PRAG1: variants seen among roughly 807,000 people sequenced by gnomAD.
PRAG1 encodes PEAK1 related, kinase-activating pseudokinase 1, also known as inactive tyrosine-protein kinase PRAG1.
Under a neutral mutation model 95.6 loss-of-function variants are expected in PRAG1, and 110 were observed. The ratio of observed to expected loss-of-function variants is 1.15; its 90% CI spans 0.99 to 1.35. The LOEUF (loss-of-function observed/expected upper bound fraction) is 1.35, where lower values mean the gene tolerates loss of function less well. Among genes scored for constraint, PRAG1 ranks in the 40% most tolerant of loss-of-function variants. The probability of loss-of-function intolerance (pLI) is 0.00; values close to 1 mark genes in which losing one functional copy is unlikely to be tolerated. For missense variants in PRAG1, 2,554 were observed against 1,864.7 expected (o/e 1.37, Z -6.81); for synonymous variants, 1,052 against 819.4 (o/e 1.28, Z -4.85).
chr8:8,378,926 G>T, intron 2 of PRAG1, among the ~76,000 whole-genome samples: 1 of 151,950 alleles, frequency 6.6e-6, no homozygotes, highest in East Asian at 1.9e-4. Flanking sequence ...GGTGGGTGTG[G>T]GCAGAACAGG....
At position 8,382,293 on chromosome 8, in the gene PRAG1, T is replaced by C. The variant is rs147064968; in HGVS notation, c.-87-459A>G. ...AATAAAAACAATGGCTTTTGGAAAA[T>C]AATGTTTGACCAAGAACTGTGTGAG... On this transcript the variant is annotated intron_variant, in intron 1 of 5. Coordinates refer to ENST00000615670, the MANE Select transcript of PRAG1 (RefSeq NM_001080826.3). Among the ~76,000 whole-genome samples the C allele has an allele frequency of 3.6e-3, 549 of 152,076 alleles. 5 individuals carry two copies. The highest frequency in any genetic ancestry group is 0.012 in the African/African-American group (501 of 41,470).
rs774763169 is a variant in PRAG1 at position 8,318,888 on chromosome 8, C to T, written c.3487G>A (p.Gly1163Arg). The change falls in exon 6 of 6, where the codon GGG becomes AGG. Residue 1163 changes from glycine (G) to arginine (R), a missense_variant. Transcript: ENST00000615670. This position sits in a 1 kb window ranked among gnomAD's most constrained non-coding sequence, Gnocchi z 4.2. ...GCCGGGGCGGGGGCGGGGGCGGGCC[C>T]GGGGCCGGCCTGGAGGGTGCAGTGC... is the stretch of plus-strand genomic sequence containing the variant. ...LVHCTLQAGP[G>R]PAPAPAPAPA... 7.0e-7 allele frequency: 1 copy of T among 1,437,988 alleles called. No individual in the cohort carries two copies. The highest frequency in any genetic ancestry group is 1.5e-5 in the South Asian group (1 of 66,358). The allele number at this position is 1,437,988 out of a possible 1,614,324, so 89.1% of individuals were successfully genotyped here. A position where few individuals can be genotyped will look rare whatever the true frequency, so the allele number is the denominator to read the frequency against.
intron 4 of PRAG1, among the ~76,000 whole-genome samples, chr8:8,332,546 G>C (rs980424389): frequency 2.0e-5 from 3 of 152,048 alleles, no homozygotes; most frequent in African/African-American, 7.2e-5. Flanking sequence ...TTCTTCCTCT[G>C]AGTTTACGGA....
chr8:8,338,278 T>C (rs374525304), intron 4 of PRAG1, among the ~76,000 whole-genome samples: 1 of 152,356 alleles, frequency 6.6e-6, no homozygotes, highest in East Asian at 1.9e-4. Flanking sequence ...CATGGTTTAC[T>C]GGTTCTGGGA....
At position 8,378,022 on chromosome 8, in the gene PRAG1, G is replaced by C. The variant is rs753703709; in HGVS notation, c.387C>G (p.Pro129=). The C allele has an allele frequency of 6.3e-7, 1 of 1,579,574 alleles. No homozygotes were observed. The highest frequency in any genetic ancestry group is 8.6e-7 in the Non-Finnish European group (1 of 1,161,432). The change falls in exon 3 of 6, where the codon CCC becomes CCG. Residue 129 remains proline, a synonymous_variant. Coordinates refer to ENST00000615670, the MANE Select transcript of PRAG1 (RefSeq NM_001080826.3). The part of the protein sequence containing the change: ...KLPLPKQEDA[P]VVYLGSFRGV... The stretch of plus-strand genomic sequence containing the variant: ...CTCGGAAGCTGCCCAGGTAGACGAC[G>C]GGGGCATCCTCCTGCTTCGGGAGGG...
At chr8:8,382,447 G>T (rs1800711916) in intron 1 of PRAG1, among the ~76,000 whole-genome samples, 1 of 152,202 alleles carries the variant, frequency 6.6e-6, no homozygotes, top group East Asian at 1.9e-4. Flanking sequence ...GCAGAGTCTG[G>T]CATCTTGAGA....
intron 5 of PRAG1, among the ~76,000 whole-genome samples, chr8:8,320,331 G>C (rs982547566): frequency 6.6e-6 from 1 of 152,212 alleles, no homozygotes; most frequent in African/African-American, 2.4e-5. Context: ...GGAAAAACAA[G>C]ATGGAAGGTC....
At chr8:8,373,183 T>G (rs1800270965) in intron 3 of PRAG1, among the ~76,000 whole-genome samples, 1 of 152,244 alleles carries the variant, frequency 6.6e-6, no homozygotes, top group Middle Eastern at 3.4e-3. Context: ...TCACTAACAC[T>G]CTGATTTGCC....
At position 8,319,039 on chromosome 8, in the gene PRAG1, C is replaced by CT. The variant is rs763093090; in HGVS notation, c.3335dup (p.Ala1113GlyfsTer142). 6.2e-7 allele frequency: 1 copy of CT among 1,613,012 alleles called. No homozygotes were observed. The highest frequency in any genetic ancestry group is 1.7e-5 in the Admixed American group (1 of 60,012). Reference sequence around the variant, plus strand: ...GCCGCTCGTACGCCTCGGGCTCCGCCTGGTGGCTGGCCGCCGAGTCCCGCA... The same window carrying CT: ...GCCGCTCGTACGCCTCGGGCTCCGCCTTGGTGGCTGGCCGCCGAGTCCCGCA... On this transcript the variant is annotated frameshift_variant, in exon 6 of 6. Transcript: ENST00000615670. LOFTEE classifies it high-confidence loss of function.
At chr8:8,365,200 T>C (rs150153647) in intron 3 of PRAG1, among the ~76,000 whole-genome samples, 36 of 152,274 alleles carry the variant, frequency 2.4e-4, no homozygotes, top group African/African-American at 7.9e-4. Context: ...AGGAAAACAA[T>C]AGTTTTGTTT....
In PRAG1 at chr8:8,376,766, A is replaced by T; in HGVS notation, c.1643T>A (p.Leu548Ter). 1 of 1,610,568 alleles carries T rather than the reference A, an allele frequency of 6.2e-7. No individual in the cohort carries two copies. Among genetic ancestry groups the T allele is most frequent in the Middle Eastern group, 1.6e-4 (1 of 6,062 alleles). Residue 548 changes from leucine to a stop codon, truncating the protein, a stop_gained, in exon 3 of 6, where the codon TTG becomes TAG. Coordinates refer to ENST00000615670, the MANE Select transcript of PRAG1 (RefSeq NM_001080826.3). LOFTEE classifies it high-confidence loss of function. ...GGACCCTACAGGGCTACTCTTGGACAACTTGGGGGGAATGGCGGGCCTCTC... is the reference window on the plus strand; with the variant it reads ...GGACCCTACAGGGCTACTCTTGGACTACTTGGGGGGAATGGCGGGCCTCTC... ...PKERPAIPPK[L>*]SKSSPVGSPV...
At chr8:8,352,677 T>C (rs1284777472) in intron 3 of PRAG1, among the ~76,000 whole-genome samples, 1 of 152,242 alleles carries the variant, frequency 6.6e-6, no homozygotes. Flanking sequence ...ATTTTAGTTT[T>C]TCCCTTCATC....
At chr8:8,362,591 G>A (rs1257876262) in intron 3 of PRAG1, among the ~76,000 whole-genome samples, 1 of 152,224 alleles carries the variant, frequency 6.6e-6, no homozygotes. Context: ...AGGAGAATGG[G>A]TGATCCTGGA....
chr8:8,328,554 T>C, intron 4 of PRAG1, 93 bp from the exon 5 acceptor site: 2 of 1,342,714 alleles, frequency 1.5e-6, no homozygotes, highest in South Asian at 1.4e-5. Flanking sequence ...ATTTATTTAT[T>C]TGGTCAGAGC....
At chr8:8,334,952 C>T (rs920551829) in intron 4 of PRAG1, among the ~76,000 whole-genome samples, 5 of 151,668 alleles carry the variant, frequency 3.3e-5, no homozygotes, top group Admixed American at 6.6e-5. Context: ...CGTGGTGGCG[C>T]GCATGCAGTC....
chr8:8,341,453 C>G (rs1311797416), intron 3 of PRAG1, among the ~76,000 whole-genome samples: 3 of 152,202 alleles, frequency 2.0e-5, no homozygotes, highest in African/African-American at 7.2e-5. Flanking sequence ...TCCTTCAATA[C>G]TAAGCGTATA....
At chr8:8,346,693 G>A (rs1014358969) in intron 3 of PRAG1, among the ~76,000 whole-genome samples, 7 of 152,194 alleles carry the variant, frequency 4.6e-5, no homozygotes, top group African/African-American at 1.2e-4. Context: ...AATCCTTAAC[G>A]GATGCGGGGC....
At chr8:8,384,499 TAAGAA>T (rs1339009793) in intron 1 of PRAG1, among the ~76,000 whole-genome samples, 1 of 142,570 alleles carries the variant, frequency 7.0e-6, no homozygotes, top group Admixed American at 7.7e-5. Context: ...AGTCATTGAA[TAAGAA>T]AAGAACAAAT....
intron 5 of PRAG1, among the ~76,000 whole-genome samples, chr8:8,323,133 C>T (rs377415355): frequency 6.6e-6 from 1 of 152,146 alleles, no homozygotes; most frequent in Non-Finnish European, 1.5e-5. Context: ...GGGAGACTGT[C>T]GCCTCATTCC....
Sources: gnomAD v4.1 joint callset for allele counts (sites outside exome capture counted in the v4.1 genomes callset) on GRCh38, gnomAD v4.1.1 for gene constraint, Gnocchi (gnomAD v3.1) non-coding constraint, MANE v1.5 for transcripts, NCBI Gene and HGNC (gene_info 2026-07-23, HGNC 2026-07-21) for gene names.